Variants in MID1 observed in about 807,000 individuals in gnomAD.
MID1 encodes the protein midline 1.
In MID1, 7 loss-of-function variants were observed where a neutral mutation model predicts 40.4. That is an observed-to-expected ratio of 0.17 (90% CI 0.10 to 0.33). The LOEUF is 0.33. Ranked by LOEUF, MID1 falls within the 10% of genes least tolerant of loss-of-function variation. MID1 has a pLI of 1.00. For synonymous variants in MID1, 229 were observed against 221.2 expected (o/e 1.04, Z -0.31); for missense variants, 367 against 558.5 (o/e 0.66, Z 3.46).
chrX:10,685,096 C>T (rs1368297352), intron 1 of MID1, among the ~76,000 whole-genome samples: 2 of 112,170 alleles, frequency 1.8e-5, no homozygotes, highest in African/African-American at 6.5e-5. Context: ...ACATATGCCA[C>T]AACTTCTATC....
intron 2 of MID1, among the ~76,000 whole-genome samples, chrX:10,564,345 C>T (rs1039178054): frequency 6.2e-5 from 7 of 112,009 alleles, no homozygotes; most frequent in Non-Finnish European, 9.4e-5. Flanking sequence ...CATAAGTATG[C>T]GATAACTGAA....
intron 1 of MID1, among the ~76,000 whole-genome samples, chrX:10,749,833 T>G (rs1406587236): frequency 9.0e-6 from 1 of 111,553 alleles, no homozygotes; most frequent in Non-Finnish European, 1.9e-5. Flanking sequence ...AAAGAGATGG[T>G]GCTAAACCAT....
intron 1 of MID1, among the ~76,000 whole-genome samples, chrX:10,771,658 A>AT (rs765034374): frequency 0.028 from 2,313 of 82,178 alleles, 49 homozygotes; most frequent in South Asian, 0.043. Flanking sequence ...TGCCTGGCTA[A>AT]TTTTTTTTTT....
intron 1 of MID1, among the ~76,000 whole-genome samples, chrX:10,609,616 C>T (rs1420725130): frequency 6.4e-5 from 7 of 110,049 alleles, no homozygotes; most frequent in Non-Finnish European, 1.3e-4. Context: ...AGTCTACTGC[C>T]GGGAGTGATT....
chrX:10,464,817 C>T (rs150374693), intron 7 of MID1, among the ~76,000 whole-genome samples: 175 of 111,700 alleles, frequency 1.6e-3, no homozygotes, highest in African/African-American at 5.4e-3. Flanking sequence ...CAAAAGCCAA[C>T]GGATACAGAG....
At chrX:10,820,631 C>A (rs1475367771) in intron 1 of MID1, among the ~76,000 whole-genome samples, 1 of 58 alleles carries the variant, frequency 0.017, no homozygotes. Flanking sequence ...TTAAGTAACA[C>A]ATGGACATAA....
chrX:10,465,254 C>CACACACACACACACAT (rs1929317335), intron 7 of MID1, among the ~76,000 whole-genome samples: 1 of 96,825 alleles, frequency 1.0e-5, no homozygotes, highest in African/African-American at 4.1e-5. Flanking sequence ...CACACACACA[C>CACACACACACACACAT]ACACACATAC....
rs1934577988 is a variant in MID1, at chrX:10,567,036, C to T, written c.512G>A (p.Arg171Gln). 8.3e-7 allele frequency: 1 copy of T among 1,211,709 alleles called. No individual in the cohort carries two copies. Among genetic ancestry groups the T allele is most frequent in the Non-Finnish European group, 1.1e-6 (1 of 895,514 alleles). The part of the protein sequence containing the change: ...LIEPIPDSHI[R>Q]GLMCLEHEDE... ...CTCATGCTCCAAGCACATCAGCCCC[C>T]GGATGTGAGAGTCCGGAATTGGCTC... The change falls in exon 2 of 10, where the codon CGG becomes CAG. Residue 171 changes from arginine (R) to glutamine (Q), a missense_variant. Arg to Gln is a conservative substitution (Grantham distance 43, BLOSUM62 1). Around this residue, in one of 3 missense-constraint regions of MID1, gnomAD observed 14 missense variants for 62.8 expected, o/e 0.22. Coordinates refer to ENST00000317552, the MANE Select transcript of MID1 (RefSeq NM_000381.4).
chrX:10,671,343 T>C (rs1336588870), intron 1 of MID1, among the ~76,000 whole-genome samples: 1 of 112,215 alleles, frequency 8.9e-6, no homozygotes, highest in Non-Finnish European at 1.9e-5. Context: ...GTTGGGCAAA[T>C]CACGTAAGGT....
At chrX:10,703,087 A>C (rs1262504938) in intron 1 of MID1, among the ~76,000 whole-genome samples, 1 of 112,358 alleles carries the variant, frequency 8.9e-6, no homozygotes, top group Non-Finnish European at 1.9e-5. Context: ...ATGGCAGTCC[A>C]AGATGACTAA....
intron 1 of MID1, among the ~76,000 whole-genome samples, chrX:10,776,537 A>C (rs2147129698): frequency 8.9e-6 from 1 of 112,058 alleles, no homozygotes; most frequent in South Asian, 3.7e-4. Context: ...ACAGTCCTTA[A>C]CTTTAAGTTT....
intron 1 of MID1, among the ~76,000 whole-genome samples, chrX:10,635,935 AAT>A (rs1936104615): frequency 8.9e-6 from 1 of 112,415 alleles, no homozygotes; most frequent in African/African-American, 3.2e-5. Flanking sequence ...TAACAATTTA[AAT>A]CAGTGCTTAG....
chrX:10,730,817 G>A (rs757237264), intron 1 of MID1, among the ~76,000 whole-genome samples: 9 of 110,316 alleles, frequency 8.2e-5, no homozygotes, highest in Admixed American at 9.7e-5. Flanking sequence ...CTCATGATCC[G>A]CCCACGTCGG....
rs755920566 is a variant in MID1 at position 10,482,635 on chromosome X, CAA to C, written c.865-9_865-8del. On this transcript the variant is annotated splice_region_variant and splice_polypyrimidine_tract_variant and intron_variant, in intron 4 of 9. Transcript: ENST00000317552. ...GTTTGCGAAGCCTCATCACCTTGAACAAAAGAGGCATGGAGAGAGATGGTTAC... is the reference window on the plus strand; with the variant it reads ...GTTTGCGAAGCCTCATCACCTTGAACAAGAGGCATGGAGAGAGATGGTTAC... 1 of 1,208,360 alleles carries C rather than the reference CAA, an allele frequency of 8.3e-7. No homozygotes were observed. The highest frequency in any genetic ancestry group is 1.7e-5 in the African/African-American group (1 of 57,842).
At chrX:10,532,365 C>A (rs776666882) in intron 2 of MID1, among the ~76,000 whole-genome samples, 1 of 111,014 alleles carries the variant, frequency 9.0e-6, no homozygotes, top group African/African-American at 3.3e-5. Context: ...AATATTAAGC[C>A]AAGGATTGGG....
In MID1 at chrX:10,455,053, T is replaced by G. The variant is rs758089179; in HGVS notation, c.1472A>C (p.Lys491Thr). The change falls in exon 9 of 10, where the codon AAA (lysine) becomes ACA (threonine). Residue 491 changes from lysine to threonine, a missense_variant. By Grantham distance (78) the Lys-to-Thr change is moderately conservative. Transcript: ENST00000317552. ...TNSQPFKLDP[K>T]SAHRKLKVSH... ...CACCTTCAGTTTTCGATGAGCAGAT[T>G]TGGGATCCAGTTTAAATGGTTGGCC... 3 of 1,208,721 alleles carry G rather than the reference T, an allele frequency of 2.5e-6. No homozygotes were observed. Among genetic ancestry groups the G allele is most frequent in the African/African-American group, 3.5e-5 (2 of 57,085 alleles).
intron 6 of MID1, among the ~76,000 whole-genome samples, chrX:10,474,375 G>T (rs1929883824): frequency 9.0e-6 from 1 of 111,470 alleles, no homozygotes; most frequent in Non-Finnish European, 1.9e-5. Flanking sequence ...TGAGAGTGAG[G>T]GAAACAGTGG....
intron 1 of MID1, among the ~76,000 whole-genome samples, chrX:10,775,078 A>T (rs1414205739): frequency 2.0e-5 from 2 of 99,550 alleles, no homozygotes; most frequent in Non-Finnish European, 4.0e-5. Flanking sequence ...CAGGGGATGA[A>T]TATGGGAGTG....
upstream of MID1, among the ~76,000 whole-genome samples, chrX:10,620,823 C>T (rs2147546948): frequency 8.9e-6 from 1 of 112,362 alleles, no homozygotes; most frequent in East Asian, 2.8e-4. Flanking sequence ...GCCTTAAATC[C>T]TTGCATTTTA....
Sources: allele counts gnomAD v4.1 joint callset (sites outside exome capture counted in the v4.1 genomes callset), GRCh38; gene constraint gnomAD v4.1.1; regional missense constraint gnomAD v4.1.1; transcripts MANE v1.5; gene names NCBI Gene and HGNC (gene_info 2026-07-23, HGNC 2026-07-21).